WDR45B: variants seen among roughly 807,000 people sequenced by gnomAD.
The protein encoded by WDR45B is WD repeat domain phosphoinositide-interacting protein 3.
WDR45B carries 20 observed loss-of-function variants against 44.6 expected under a neutral mutation model. The ratio of observed to expected loss-of-function variants is 0.45; its 90% confidence interval spans 0.32 to 0.65. WDR45B has a LOEUF of 0.65. Ranked by LOEUF, WDR45B falls within the 30% of genes least tolerant of loss-of-function variation. The probability of loss-of-function intolerance (pLI) is 0.05; values close to 1 mark genes in which losing one functional copy is unlikely to be tolerated. For synonymous variants in WDR45B, 169 were observed against 164.9 expected, an observed-to-expected ratio of 1.02 and a Z score of -0.19; for missense variants, 323 against 430.2, an observed-to-expected ratio of 0.75 and a Z score of 2.20.
intron 5 of WDR45B, among the ~76,000 whole-genome samples, chr17:82,623,097 A>G (rs2045640841): frequency 6.6e-6 from 1 of 152,218 alleles, no homozygotes; most frequent in Non-Finnish European, 1.5e-5. Flanking sequence ...TACAACATAT[A>G]AAGAATTCTT....
chr17:82,640,272 C>G (rs1383901925), intron 2 of WDR45B, among the ~76,000 whole-genome samples: 1 of 152,152 alleles, frequency 6.6e-6, no homozygotes, highest in Non-Finnish European at 1.5e-5. Flanking sequence ...GGCTTCCTTC[C>G]CCACCACTCA....
chr17:82,648,152 G>A (rs2046006214), intron 1 of WDR45B, 122 bp downstream of exon 1: 2 of 1,176,080 alleles, frequency 1.7e-6, no homozygotes, highest in South Asian at 3.1e-5. Flanking sequence ...AGCTCGGGCG[G>A]GGCCGGGGTC....
intron 2 of WDR45B, among the ~76,000 whole-genome samples, chr17:82,637,564 G>A (rs957946544): frequency 1.3e-5 from 2 of 152,002 alleles, no homozygotes; most frequent in African/African-American, 4.8e-5. Flanking sequence ...CCAGTCACAA[G>A]TTAGAACCTT....
rs117959151 is a variant in WDR45B at position 82,615,503 on chromosome 17, A to G, written c.*416T>C. On this transcript the variant is annotated 3_prime_UTR_variant, in exon 10 of 10. Coordinates refer to ENST00000392325, the MANE Select transcript of WDR45B (RefSeq NM_019613.4). ...ATCATGTAAGAACTTACATCTGCACACTTGTTCACTCCCCCGCTGCAGACT... is the reference window on the plus strand; with the variant it reads ...ATCATGTAAGAACTTACATCTGCACGCTTGTTCACTCCCCCGCTGCAGACT... 4,196 of 281,192 alleles carry G rather than the reference A, an allele frequency of 0.015. 38 individuals carry two copies. Among genetic ancestry groups the G allele is most frequent in the Non-Finnish European group, 0.022 (3,116 of 142,484 alleles). 17.4% of individuals were successfully genotyped at this position (281,192 alleles called of 1,614,324 possible). A position where few individuals can be genotyped will look rare whatever the true frequency, so the allele number is the denominator to read the frequency against.
Position 82,615,522 on chromosome 17 carries a change from G to C in WDR45B, c.*397C>G, listed in dbSNP as rs2045519867. On this transcript the variant is annotated 3_prime_UTR_variant, in exon 10 of 10. Coordinates refer to ENST00000392325, the MANE Select transcript of WDR45B (RefSeq NM_019613.4). ...CTGCACACTTGTTCACTCCCCCGCT[G>C]CAGACTCAGTAAGAACGACGGAATC... 3.4e-6 allele frequency: 1 copy of C among 297,500 alleles called. No homozygotes were observed. Among genetic ancestry groups the C allele is most frequent in the Admixed American group, 4.5e-5 (1 of 22,430 alleles). 18.4% of individuals were successfully genotyped at this position (297,500 alleles called of 1,614,324 possible). A position where few individuals can be genotyped will look rare whatever the true frequency, so the allele number is the denominator to read the frequency against.
chr17:82,616,754 T>C, intron 8 of WDR45B, 109 bp from the exon 9 acceptor site: 5 of 1,421,048 alleles, frequency 3.5e-6, no homozygotes, highest in Non-Finnish European at 4.9e-6. Context: ...TTCATATGGT[T>C]TGAGCTTTAA....
At chr17:82,648,212 C>G in intron 1 of WDR45B, 62 bp downstream of exon 1, 1 of 1,553,752 alleles carries the variant, frequency 6.4e-7, no homozygotes, top group African/African-American at 1.4e-5. Context: ...GGCCTGAGAG[C>G]CGGGGACCCC....
intron 2 of WDR45B, among the ~76,000 whole-genome samples, chr17:82,634,849 G>T (rs2045813482): frequency 6.6e-6 from 1 of 152,012 alleles, no homozygotes; most frequent in African/African-American, 2.4e-5. Flanking sequence ...TTACAGGGGT[G>T]AGCTGCGGTA....
intron 2 of WDR45B, among the ~76,000 whole-genome samples, chr17:82,635,118 T>C (rs1415887796): frequency 6.6e-6 from 1 of 152,006 alleles, no homozygotes; most frequent in Non-Finnish European, 1.5e-5. Context: ...TACTGATCTA[T>C]GCGCTTAAAA....
In WDR45B at chr17:82,615,016, CG is replaced by C. The variant is rs754426842; in HGVS notation, c.*902del. The C allele has an allele frequency of 6.6e-6, 1 of 152,164 alleles. No individual in the cohort carries two copies. The highest frequency in any genetic ancestry group is 1.5e-5 in the Non-Finnish European group (1 of 68,046). 9.4% of individuals were successfully genotyped at this position (152,164 alleles called of 1,614,324 possible). On this transcript the variant is annotated 3_prime_UTR_variant, in exon 10 of 10. Transcript: ENST00000392325. ...ACCAGGGCATTTCCCTCCACACCAG[CG>C]GGAACTGCATGGACCCTCCCAGACC...
At position 82,648,412 on chromosome 17, in the gene WDR45B, C is replaced by CGGCGGCCTGGTCCCTTG; in HGVS notation, c.-73_-72insCAAGGGACCAGGCCGCC. On this transcript the variant is annotated 5_prime_UTR_variant, in exon 1 of 10. Coordinates refer to ENST00000392325, the MANE Select transcript of WDR45B (RefSeq NM_019613.4). ...GCTGGGGACGGCGGCCTGGTCCCTT[C>CGGCGGCCTGGTCCCTTG]GGGCCGGCGCTGAGGCCGCCGCGGC... 6.4e-7 allele frequency: 1 copy of CGGCGGCCTGGTCCCTTG among 1,554,914 alleles called. No individual in the cohort carries two copies. Among genetic ancestry groups the CGGCGGCCTGGTCCCTTG allele is most frequent in the Non-Finnish European group, 8.7e-7 (1 of 1,150,914 alleles).
intron 7 of WDR45B, among the ~76,000 whole-genome samples, chr17:82,617,688 ACCACACCCCCAACATG>A (rs1255132041): frequency 6.6e-6 from 1 of 152,184 alleles, no homozygotes; most frequent in Non-Finnish European, 1.5e-5. Context: ...CTTCTTGCAG[ACCACACCCCCAACATG>A]CCGCTCAGGG....
intron 2 of WDR45B, among the ~76,000 whole-genome samples, chr17:82,632,452 C>T (rs1285986225): frequency 6.6e-6 from 1 of 152,098 alleles, no homozygotes; most frequent in Non-Finnish European, 1.5e-5. Context: ...TAAGTGTGAG[C>T]CACCGAAGTC....
At chr17:82,626,284 T>C (rs528464807) in intron 4 of WDR45B, among the ~76,000 whole-genome samples, 1 of 149,224 alleles carries the variant, frequency 6.7e-6, no homozygotes, top group African/African-American at 2.4e-5. Context: ...ACACCTGTAA[T>C]CCCAGCACTT....
rs1202863317 is a variant in WDR45B at position 82,648,402 on chromosome 17, C to G, written c.-62G>C. On this transcript the variant is annotated 5_prime_UTR_variant, in exon 1 of 10. Coordinates refer to ENST00000392325, the MANE Select transcript of WDR45B (RefSeq NM_019613.4). ...CATGCCTCTCGCTGGGGACGGCGGC[C>G]TGGTCCCTTCGGGCCGGCGCTGAGG... 3 of 1,574,530 alleles carry G rather than the reference C, an allele frequency of 1.9e-6. No individual in the cohort carries two copies. The Admixed American group carries it at 5.2e-5, about 28-fold the overall frequency.
intron 2 of WDR45B, among the ~76,000 whole-genome samples, chr17:82,631,651 T>TA (rs2045770038): frequency 6.9e-6 from 1 of 144,488 alleles, no homozygotes. Context: ...GGTGACTGGC[T>TA]AAAAAAATAG....
chr17:82,648,222 C>G (rs185602683), intron 1 of WDR45B, 52 bp downstream of exon 1: 4 of 1,567,048 alleles, frequency 2.6e-6, no homozygotes, highest in Non-Finnish European at 3.5e-6. Flanking sequence ...CCGGGGACCC[C>G]GGGCTGCGGG....
At chr17:82,629,447 G>C (rs2045740523) in intron 3 of WDR45B, 3 of 962,144 alleles carry the variant, frequency 3.1e-6, no homozygotes, top group Non-Finnish European at 3.7e-6. Context: ...CTCCTCCAGA[G>C]GACTCACAAG....
At position 82,648,408 on chromosome 17, in the gene WDR45B, C is replaced by T. The variant is rs1276024009; in HGVS notation, c.-68G>A. 10 of 1,564,134 alleles carry T rather than the reference C, an allele frequency of 6.4e-6. No homozygotes were observed. The highest frequency in any genetic ancestry group is 2.8e-5 in the African/African-American group (2 of 71,902). On this transcript the variant is annotated 5_prime_UTR_variant, in exon 1 of 10. Transcript: ENST00000392325. ...TCTCGCTGGGGACGGCGGCCTGGTC[C>T]CTTCGGGCCGGCGCTGAGGCCGCCG...
Sources: gnomAD v4.1 joint callset for allele counts (sites outside exome capture counted in the v4.1 genomes callset) on GRCh38, gnomAD v4.1.1 for gene constraint, MANE v1.5 for transcripts, NCBI Gene and HGNC (gene_info 2026-07-23, HGNC 2026-07-21) for gene names.